ITPR2: variants seen among roughly 807,000 people sequenced by gnomAD.
ITPR2 encodes inositol 1,4,5-trisphosphate-gated calcium channel ITPR2.
ITPR2 carries 207 observed loss-of-function variants against 317.1 expected under a neutral mutation model. That is an observed-to-expected ratio of 0.65 (90% CI 0.58 to 0.73). The LOEUF is 0.73. Among genes scored for constraint, ITPR2 ranks in the 30% least tolerant of loss-of-function variants. ITPR2 has a pLI of 0.00. For synonymous variants in ITPR2, 1,156 were observed against 1,149.1 expected (o/e 1.01, Z -0.12); for missense variants, 2,613 against 3,284.0 (o/e 0.80, Z 4.99).
intron 54 of ITPR2, among the ~76,000 whole-genome samples, chr12:26,393,740 C>T (rs916094315): frequency 5.3e-5 from 8 of 152,162 alleles, no homozygotes; most frequent in African/African-American, 1.9e-4. Flanking sequence ...ATTGATCTTA[C>T]ATCTCTTTGT....
At chr12:26,540,780 C>G (rs2136981511) in intron 37 of ITPR2, among the ~76,000 whole-genome samples, 1 of 152,138 alleles carries the variant, frequency 6.6e-6, no homozygotes, top group Admixed American at 6.5e-5. Context: ...CTTTTATAGT[C>G]TAACAAGTGA....
intron 2 of ITPR2, among the ~76,000 whole-genome samples, chr12:26,740,011 A>T (rs1339256540): frequency 2.6e-5 from 4 of 152,204 alleles, no homozygotes; most frequent in Admixed American, 2.6e-4. Context: ...AAATCACAGG[A>T]TCTAGCTTGA....
At chr12:26,366,273 A>C (rs1188302482) in intron 55 of ITPR2, among the ~76,000 whole-genome samples, 1 of 152,148 alleles carries the variant, frequency 6.6e-6, no homozygotes, top group Non-Finnish European at 1.5e-5. Context: ...GGCTATGTGA[A>C]CTTTCACTAC....
intron 37 of ITPR2, among the ~76,000 whole-genome samples, chr12:26,515,831 C>CG (rs1565574005): frequency 6.6e-6 from 1 of 151,602 alleles, no homozygotes; most frequent in Non-Finnish European, 1.5e-5. Flanking sequence ...GTAGAGGGCC[C>CG]GGGTATGGTG....
At chr12:26,519,501 A>AT (rs1943611600) in intron 37 of ITPR2, among the ~76,000 whole-genome samples, 1 of 152,240 alleles carries the variant, frequency 6.6e-6, no homozygotes, top group Non-Finnish European at 1.5e-5. Flanking sequence ...TAAGTATAAT[A>AT]AATAGATGCT....
intron 1 of ITPR2, among the ~76,000 whole-genome samples, chr12:26,794,036 A>G (rs892331676): frequency 1.3e-5 from 2 of 152,172 alleles, no homozygotes; most frequent in African/African-American, 4.8e-5. Flanking sequence ...ACTAAAACTC[A>G]TCTAACATAA....
chr12:26,649,193 C>CA (rs1361376332), intron 21 of ITPR2: 2 of 117,448 alleles, frequency 1.7e-5, no homozygotes, highest in African/African-American at 6.5e-5. Flanking sequence ...CATCTGTCTC[C>CA]ACACACACCC....
chr12:26,482,955 T>C (rs1942579620), intron 42 of ITPR2, among the ~76,000 whole-genome samples: 1 of 152,244 alleles, frequency 6.6e-6, no homozygotes, highest in Non-Finnish European at 1.5e-5. Context: ...TCTGGACTGA[T>C]CCATGCTTAC....
At chr12:26,495,088 G>T in intron 38 of ITPR2, 64 bp downstream of exon 38, 1 of 866,128 alleles carries the variant, frequency 1.2e-6, no homozygotes, top group Non-Finnish European at 2.0e-6. Flanking sequence ...AAATACTAGA[G>T]TAACACTGAC....
chr12:26,625,740 A>G (rs1182508951), intron 23 of ITPR2, among the ~76,000 whole-genome samples: 1 of 152,204 alleles, frequency 6.6e-6, no homozygotes, highest in Non-Finnish European at 1.5e-5. Context: ...TGGGAGGATA[A>G]TTCTTTAAAG....
chr12:26,565,759 G>A (rs1163756834), intron 34 of ITPR2, among the ~76,000 whole-genome samples: 2 of 149,552 alleles, frequency 1.3e-5, no homozygotes, highest in Non-Finnish European at 3.0e-5. Flanking sequence ...ACTGTGATGC[G>A]AATAGCCACT....
chr12:26,523,645 A>G (rs757334176), intron 37 of ITPR2, among the ~76,000 whole-genome samples: 1 of 152,016 alleles, frequency 6.6e-6, no homozygotes, highest in African/African-American at 2.4e-5. Flanking sequence ...GCTTAAACTC[A>G]GCTCTTCAGG....
At position 26,832,894 on chromosome 12, in the gene ITPR2, A is replaced by G; in HGVS notation, c.-113T>C. ...TCGGATCGCGGGACTACAGCGGCCA[A>G]GAGCCGCGGCGGAGGGCACGGCCCG... On this transcript the variant is annotated 5_prime_UTR_variant, in exon 1 of 57. Transcript: ENST00000381340. 1 of 815,366 alleles carries G rather than the reference A, an allele frequency of 1.2e-6. No individual in the cohort carries two copies. Among genetic ancestry groups the G allele is most frequent in the Non-Finnish European group, 2.0e-6 (1 of 506,798 alleles). The allele number at this position is 815,366 out of a possible 1,614,324, so 50.5% of individuals were successfully genotyped here. A position where few individuals can be genotyped will look rare whatever the true frequency, so the allele number is the denominator to read the frequency against.
At chr12:26,525,045 G>T (rs888350903) in intron 37 of ITPR2, among the ~76,000 whole-genome samples, 2 of 152,272 alleles carry the variant, frequency 1.3e-5, no homozygotes. Context: ...TTGGTGAGAG[G>T]ATGACACCTA....
At chr12:26,544,398 T>C (rs1375304032) in intron 37 of ITPR2, among the ~76,000 whole-genome samples, 1 of 152,162 alleles carries the variant, frequency 6.6e-6, no homozygotes, top group Admixed American at 6.5e-5. Flanking sequence ...TTTAGTTACA[T>C]TAAATATCCT....
intron 9 of ITPR2, among the ~76,000 whole-genome samples, chr12:26,698,800 T>C (rs765776757): frequency 6.6e-6 from 1 of 152,126 alleles, no homozygotes; most frequent in Non-Finnish European, 1.5e-5. Flanking sequence ...AATCCTGCTT[T>C]TAGAATCCAA....
Position 26,665,965 on chromosome 12 carries a change from G to C in ITPR2, c.1496C>G (p.Thr499Ser). Reference sequence around the variant, plus strand: ...TTTTTGACGCTCTCGGTTTGGCTTAGTGATAACCACATCCAGAACTTCTTG... The same window carrying C: ...TTTTTGACGCTCTCGGTTTGGCTTACTGATAACCACATCCAGAACTTCTTG... ...NGQEVLDVVITKPNRERQKLM... is the reference protein window; with the variant it reads ...NGQEVLDVVISKPNRERQKLM... Residue 499 changes from threonine (T) to serine (S), a missense_variant, in exon 14 of 57, where the codon ACT becomes AGT. Coordinates refer to ENST00000381340, the MANE Select transcript of ITPR2 (RefSeq NM_002223.4). 6.2e-7 allele frequency: 1 copy of C among 1,613,858 alleles called. No homozygotes were observed. The highest frequency in any genetic ancestry group is 1.3e-5 in the African/African-American group (1 of 75,012).
At chr12:26,727,660 G>A (rs1283729132) in intron 2 of ITPR2, among the ~76,000 whole-genome samples, 2 of 152,152 alleles carry the variant, frequency 1.3e-5, no homozygotes, top group African/African-American at 2.4e-5. Flanking sequence ...TGTGTTTACT[G>A]TAATCCCCCT....
At chr12:26,653,039 T>C (rs570050562) in intron 21 of ITPR2, among the ~76,000 whole-genome samples, 15 of 152,304 alleles carry the variant, frequency 9.8e-5, no homozygotes, top group Non-Finnish European at 1.8e-4. Flanking sequence ...ATATTGTTAT[T>C]ACCATCTTCA....
Sources: gnomAD v4.1 joint callset for allele counts (sites outside exome capture counted in the v4.1 genomes callset) on GRCh38, gnomAD v4.1.1 for gene constraint, MANE v1.5 for transcripts, NCBI Gene and HGNC (gene_info 2026-07-23, HGNC 2026-07-21) for gene names.